Variants in SPECC1L observed in about 807,000 individuals in gnomAD.
SPECC1L encodes the protein sperm antigen with calponin homology and coiled-coil domains 1 like.
A neutral mutation model predicts 116.8 loss-of-function variants in SPECC1L; 40 were observed. That is an observed-to-expected ratio of 0.34 (90% confidence interval 0.27 to 0.45). The LOEUF (loss-of-function observed/expected upper bound fraction) is 0.45, where lower values mean the gene tolerates loss of function less well. Ranked by LOEUF, SPECC1L falls within the 20% of genes least tolerant of loss-of-function variation. SPECC1L has a pLI of 1.00. For missense variants in SPECC1L, 1,110 were observed against 1,373.6 expected (o/e 0.81, Z 3.03); for synonymous variants, 504 against 500.6 (o/e 1.01, Z -0.09).
chr22:24,294,285 T>C (rs1373663081), intron 2 of SPECC1L, among the ~76,000 whole-genome samples: 5 of 141,508 alleles, frequency 3.5e-5, no homozygotes, highest in African/African-American at 5.4e-5. Flanking sequence ...TTTTTTAAAG[T>C]AGGTTCATAA....
intron 14 of SPECC1L, among the ~76,000 whole-genome samples, chr22:24,371,236 A>G (rs938956144): frequency 6.6e-6 from 1 of 152,228 alleles, no homozygotes; most frequent in Non-Finnish European, 1.5e-5. Context: ...ATAGCAGAAT[A>G]CACATTCTTC....
chr22:24,293,695 C>G (rs531580785), intron 2 of SPECC1L, among the ~76,000 whole-genome samples: 1 of 144,122 alleles, frequency 6.9e-6, no homozygotes, highest in African/African-American at 2.6e-5. Context: ...GTGCCCACTT[C>G]CGAGGTGCCT....
rs1007261374 is a variant in SPECC1L at position 24,417,428 on chromosome 22, G to C, written c.*2805G>C. On this transcript the variant is annotated 3_prime_UTR_variant, in exon 17 of 17. Transcript: ENST00000314328. ...GGGCAGATCCTGACCAGGAGTCCAG[G>C]GTGGCCTCCCCTGGGCCACAGCACA... 3 of 152,284 alleles carry C rather than the reference G, an allele frequency of 2.0e-5. No homozygotes were observed. Among genetic ancestry groups the C allele is most frequent in the Non-Finnish European group, 2.9e-5 (2 of 68,048 alleles). 9.4% of individuals were successfully genotyped at this position (152,284 alleles called of 1,614,324 possible).
chr22:24,332,711 T>C (rs2040962901), intron 8 of SPECC1L, among the ~76,000 whole-genome samples: 1 of 152,144 alleles, frequency 6.6e-6, no homozygotes, highest in Admixed American at 6.5e-5. Flanking sequence ...TACTAATTTT[T>C]TTTTTTGGTT....
chr22:24,401,367 T>C (rs2042470158), intron 14 of SPECC1L, among the ~76,000 whole-genome samples: 1 of 152,218 alleles, frequency 6.6e-6, no homozygotes, highest in South Asian at 2.1e-4. Flanking sequence ...GTGGATCTGA[T>C]TCCAGTTCAT....
chr22:24,290,790 T>C (rs1248948745), intron 2 of SPECC1L, among the ~76,000 whole-genome samples: 1 of 152,230 alleles, frequency 6.6e-6, no homozygotes, highest in Non-Finnish European at 1.5e-5. Flanking sequence ...CCTTTCTGAA[T>C]GTGTGTCATA....
rs561062132 is a variant in SPECC1L at position 24,324,160 on chromosome 22, T to C, written c.1939-60T>C. ...TTGGAAACTGTGTGTACCTCAATTC[T>C]GGAACGTACCTTAGAACAACTCTTA... On this transcript the variant is annotated intron_variant, in intron 5 of 16. Transcript: ENST00000314328. 38 of 1,432,102 alleles carry C rather than the reference T, an allele frequency of 2.7e-5. No homozygotes were observed. In the African/African-American group the frequency reaches 5.0e-4, roughly 19 times the overall value. The allele number at this position is 1,432,102 out of a possible 1,614,324, so 88.7% of individuals were successfully genotyped here.
At chr22:24,399,088 C>T (rs1569448238) in intron 14 of SPECC1L, among the ~76,000 whole-genome samples, 1 of 152,338 alleles carries the variant, frequency 6.6e-6, no homozygotes, top group South Asian at 2.1e-4. Context: ...TTGCCTGACA[C>T]CCATCTCTGC....
intron 11 of SPECC1L, among the ~76,000 whole-genome samples, chr22:24,349,820 ATC>A (rs1205361829): frequency 6.6e-6 from 1 of 152,190 alleles, no homozygotes; most frequent in African/African-American, 2.4e-5. Flanking sequence ...AGCCACCATC[ATC>A]TCTCAGCTGG....
intron 14 of SPECC1L, among the ~76,000 whole-genome samples, chr22:24,399,306 C>T (rs1001325863): frequency 6.6e-6 from 1 of 152,260 alleles, no homozygotes; most frequent in Non-Finnish European, 1.5e-5. Context: ...CATGGTGGCT[C>T]ACGCCTGTAA....
intron 14 of SPECC1L, among the ~76,000 whole-genome samples, chr22:24,377,088 A>C (rs1452844615): frequency 2.0e-5 from 3 of 152,170 alleles, no homozygotes; most frequent in African/African-American, 7.2e-5. Flanking sequence ...TTTCCTATAA[A>C]TGGAATCACA....
At chr22:24,356,818 A>C (rs1601601332) in intron 11 of SPECC1L, among the ~76,000 whole-genome samples, 1 of 151,872 alleles carries the variant, frequency 6.6e-6, no homozygotes, top group Non-Finnish European at 1.5e-5. Context: ...ATTTGTATCC[A>C]TTAAATTCTT....
At chr22:24,361,027 T>C (rs1460285071) in intron 11 of SPECC1L, among the ~76,000 whole-genome samples, 1 of 152,212 alleles carries the variant, frequency 6.6e-6, no homozygotes, top group Non-Finnish European at 1.5e-5. Flanking sequence ...ATCCCATCTT[T>C]ATTAAGCTCA....
chr22:24,406,789 T>C (rs2042600258), intron 14 of SPECC1L, among the ~76,000 whole-genome samples: 1 of 152,226 alleles, frequency 6.6e-6, no homozygotes, highest in African/African-American at 2.4e-5. Flanking sequence ...GCTCCCCGCC[T>C]TCCTGCCTGG....
intron 10 of SPECC1L, among the ~76,000 whole-genome samples, chr22:24,343,166 C>T (rs751096339): frequency 6.6e-6 from 1 of 152,120 alleles, no homozygotes; most frequent in Non-Finnish European, 1.5e-5. Flanking sequence ...TGCACTCCAG[C>T]CTGGGCGACA....
chr22:24,393,135 A>G (rs1403879668), intron 14 of SPECC1L, among the ~76,000 whole-genome samples: 1 of 152,240 alleles, frequency 6.6e-6, no homozygotes. Context: ...TTGATGGGGC[A>G]TAGGAGGCTT....
At position 24,414,611 on chromosome 22, in the gene SPECC1L, C is replaced by CT; in HGVS notation, c.3345dup (p.Glu1116Ter). On this transcript the variant is annotated frameshift_variant, in exon 17 of 17. Coordinates refer to ENST00000314328, the MANE Select transcript of SPECC1L (RefSeq NM_015330.6). LOFTEE classifies it high-confidence loss of function. ...TGTATGTGACGGCGATCTACAAGTA[C>CT]TTTGAGACCTGAGCATGCCGGGAGG... 6.2e-7 allele frequency: 1 copy of CT among 1,613,996 alleles called. No homozygotes were observed. Among genetic ancestry groups the CT allele is most frequent in the South Asian group, 1.1e-5 (1 of 91,082 alleles).
chr22:24,413,637 G>A (rs935414887), intron 16 of SPECC1L, among the ~76,000 whole-genome samples: 2 of 152,176 alleles, frequency 1.3e-5, no homozygotes, highest in African/African-American at 4.8e-5. Flanking sequence ...CTGTTCACCT[G>A]TACAGGGAAA....
intron 2 of SPECC1L, among the ~76,000 whole-genome samples, chr22:24,301,718 C>T (rs1022458962): frequency 3.3e-5 from 5 of 152,076 alleles, no homozygotes; most frequent in African/African-American, 1.2e-4. Context: ...AGTCAGGGGT[C>T]ATCTGTGTAT....
Sources: allele counts gnomAD v4.1 joint callset (sites outside exome capture counted in the v4.1 genomes callset), GRCh38; gene constraint gnomAD v4.1.1; transcripts MANE v1.5; gene names NCBI Gene and HGNC (gene_info 2026-07-23, HGNC 2026-07-21).